Variants in SLC25A27 observed in about 807,000 individuals in gnomAD.
SLC25A27 encodes mitochondrial uncoupling protein 4.
In SLC25A27, 35 loss-of-function variants were observed where a neutral mutation model predicts 49.1. That is an observed-to-expected ratio of 0.71 (90% CI 0.54 to 0.95). SLC25A27 has a LOEUF of 0.95. Among genes scored for constraint, SLC25A27 ranks in the 40% least tolerant of loss-of-function variants. SLC25A27 has a pLI of 0.00. For synonymous variants in SLC25A27, 144 were observed against 136.9 expected, an observed-to-expected ratio of 1.05 and a Z score of -0.36; for missense variants, 339 against 397.1, an observed-to-expected ratio of 0.85 and a Z score of 1.24.
intron 2 of SLC25A27, chr6:46,658,685 G>C (rs1190627438): frequency 9.0e-6 from 4 of 442,556 alleles, no homozygotes; most frequent in Non-Finnish European, 1.6e-5. Context: ...TTTTTGAGTT[G>C]AGTCCTGAAA....
chr6:46,660,939 A>T (rs1763140608), intron 3 of SLC25A27, among the ~76,000 whole-genome samples: 1 of 152,210 alleles, frequency 6.6e-6, no homozygotes, highest in South Asian at 2.1e-4. Flanking sequence ...TTTAGGGTGG[A>T]TAGGTTTAAT....
chr6:46,659,375 A>G (rs1262174252), intron 3 of SLC25A27, among the ~76,000 whole-genome samples: 1 of 152,178 alleles, frequency 6.6e-6, no homozygotes, highest in Non-Finnish European at 1.5e-5. Context: ...GCTACTGTAT[A>G]ACCTGGACAA....
intron 3 of SLC25A27, among the ~76,000 whole-genome samples, chr6:46,659,524 A>G (rs548436948): frequency 6.6e-6 from 1 of 152,352 alleles, no homozygotes; most frequent in East Asian, 1.9e-4. Context: ...GTTACTAAAA[A>G]TAATATACAT....
intron 1 of SLC25A27, among the ~76,000 whole-genome samples, chr6:46,655,408 A>C (rs1233070054): frequency 1.3e-5 from 2 of 152,184 alleles, no homozygotes; most frequent in East Asian, 3.8e-4. Context: ...AGAGGATAGC[A>C]CACAATATGG....
intron 1 of SLC25A27, chr6:46,654,105 G>A (rs1360638964): frequency 1.0e-6 from 1 of 985,184 alleles, no homozygotes; most frequent in Non-Finnish European, 1.2e-6. Context: ...TGATGCCCTT[G>A]AATGAGCAAG....
At position 46,677,945 on chromosome 6, in the gene SLC25A27, G is replaced by A. The variant is rs1470801684; in HGVS notation, c.*1491G>A. ...GTAGCTTATTGTTTTTCTAGTTGCA[G>A]AGAATGTGAAGTTTAATCTCTTAAA... On this transcript the variant is annotated 3_prime_UTR_variant, in exon 9 of 9. Transcript: ENST00000371347. 2 of 149,590 alleles carry A rather than the reference G, an allele frequency of 1.3e-5. No homozygotes were observed. Among genetic ancestry groups the A allele is most frequent in the African/African-American group, 2.5e-5 (1 of 40,496 alleles). 9.3% of individuals were successfully genotyped at this position (149,590 alleles called of 1,614,324 possible).
intron 5 of SLC25A27, among the ~76,000 whole-genome samples, chr6:46,667,938 C>T (rs1332217014): frequency 6.6e-6 from 1 of 152,206 alleles, no homozygotes; most frequent in Admixed American, 6.5e-5. Flanking sequence ...ATTCTTGCCT[C>T]ATTACAACTT....
chr6:46,669,406 T>C (rs182245826), intron 6 of SLC25A27, among the ~76,000 whole-genome samples: 59 of 152,314 alleles, frequency 3.9e-4, no homozygotes, highest in Non-Finnish European at 1.0e-4. Flanking sequence ...TTTCAAATTA[T>C]CCATTAGAAT....
At chr6:46,664,714 A>G (rs1763268073) in intron 4 of SLC25A27, 60 bp from the exon 5 acceptor site, 7 of 820,552 alleles carry the variant, frequency 8.5e-6, no homozygotes, top group Non-Finnish European at 1.3e-5. Flanking sequence ...AAGCTTATCC[A>G]GTTGAATTTC....
chr6:46,658,272 T>TAAAAC (rs1461331540), intron 2 of SLC25A27, among the ~76,000 whole-genome samples: 2 of 152,374 alleles, frequency 1.3e-5, no homozygotes, highest in Admixed American at 1.3e-4. Flanking sequence ...ATCAACTTTC[T>TAAAAC]AAAACATCAA....
rs764932803 is a variant in SLC25A27 at position 46,662,385 on chromosome 6, C to T, written c.393C>T (p.Val131=). Residue 131 remains valine, a synonymous_variant, in exon 4 of 9, where the codon GTC becomes GTT. Transcript: ENST00000371347. ...TTCCTTCTGCAATTAGGAAATCAGT[C>T]ATTGGAGGGATGATGGCTGGTGTTA... ...EDEHYPLWKS[V]IGGMMAGVIG... 1.9e-6 allele frequency: 3 copies of T among 1,613,544 alleles called. No homozygotes were observed. In the African/African-American group the frequency reaches 4.0e-5, roughly 22 times the overall value.
At chr6:46,656,157 C>T (rs750568206) in intron 2 of SLC25A27, 123 bp downstream of exon 2, 1 of 695,654 alleles carries the variant, frequency 1.4e-6, no homozygotes, top group Non-Finnish European at 2.3e-6. Flanking sequence ...TGAACACATA[C>T]AGCACATAGT....
intron 2 of SLC25A27, among the ~76,000 whole-genome samples, chr6:46,657,932 G>A (rs1376981222): frequency 6.6e-6 from 1 of 152,194 alleles, no homozygotes; most frequent in Admixed American, 6.5e-5. Context: ...ATGCCAGTTA[G>A]AACATTTTTC....
chr6:46,660,230 C>CTGTGTGTGTGTATGTGTGTG (rs1554170741), intron 3 of SLC25A27, among the ~76,000 whole-genome samples: 2 of 147,310 alleles, frequency 1.4e-5, no homozygotes, highest in African/African-American at 5.1e-5. Flanking sequence ...ACCTCTGTGT[C>CTGTGTGTGTGTATGTGTGTG]TGTGTGTGTG....
Position 46,676,632 on chromosome 6 carries a change from C to CTT in SLC25A27, c.*182_*183dup, listed in dbSNP as rs1242482572. Reference sequence around the variant, plus strand: ...GAAACCCAAGTTCTCTTTGACTCCTCTTTTTGTCCAAAAGTGATCTGGTCG... The same window carrying CTT: ...GAAACCCAAGTTCTCTTTGACTCCTCTTTTTTTGTCCAAAAGTGATCTGGTCG... On this transcript the variant is annotated 3_prime_UTR_variant, in exon 9 of 9. Transcript: ENST00000371347. 1 of 1,551,148 alleles carries CTT rather than the reference C, an allele frequency of 6.4e-7. No individual in the cohort carries two copies. Among genetic ancestry groups the CTT allele is most frequent in the Non-Finnish European group, 8.7e-7 (1 of 1,147,082 alleles).
At position 46,671,043 on chromosome 6, in the gene SLC25A27, T is replaced by C; in HGVS notation, c.798-83T>C. The stretch of plus-strand genomic sequence containing the variant: ...CCGCGCCCGGCCAATATTTAATTTT[T>C]ATAAGATTCCTTAGACAATTTTTAT... On this transcript the variant is annotated intron_variant, in intron 7 of 8. Transcript: ENST00000371347. The C allele has an allele frequency of 3.0e-6, 3 of 1,007,086 alleles. No homozygotes were observed. The South Asian group carries it at 4.4e-5, about 15-fold the overall frequency. 62.4% of individuals were successfully genotyped at this position (1,007,086 alleles called of 1,614,324 possible).
chr6:46,660,138 G>A (rs1054058244), intron 3 of SLC25A27, among the ~76,000 whole-genome samples: 3 of 151,986 alleles, frequency 2.0e-5, no homozygotes, highest in African/African-American at 7.3e-5. Flanking sequence ...AGAGAACTAA[G>A]CAATTCATTG....
At chr6:46,668,826 T>A in intron 6 of SLC25A27, 33 bp downstream of exon 6, 1 of 1,283,106 alleles carries the variant, frequency 7.8e-7, no homozygotes, top group South Asian at 1.3e-5. Flanking sequence ...TCTGTTTTTT[T>A]TTTTTGTATC....
At chr6:46,661,665 CTGATT>C (rs1382902551) in intron 3 of SLC25A27, among the ~76,000 whole-genome samples, 1 of 152,194 alleles carries the variant, frequency 6.6e-6, no homozygotes, top group Non-Finnish European at 1.5e-5. Context: ...GGCTGTCCCA[CTGATT>C]AGTTGTGTGA....
Sources: allele counts gnomAD v4.1 joint callset (sites outside exome capture counted in the v4.1 genomes callset), GRCh38; gene constraint gnomAD v4.1.1; transcripts MANE v1.5; gene names NCBI Gene and HGNC (gene_info 2026-07-23, HGNC 2026-07-21).